The following CCDC201 variants were observed in gnomAD, a reference collection of about 807,000 sequenced individuals.
The protein encoded by CCDC201 is coiled-coil domain-containing protein 201.
intron 1 of CCDC201, among the ~76,000 whole-genome samples, chr7:45,871,590 C>T (rs1002166674): frequency 1.3e-5 from 2 of 152,060 alleles, no homozygotes; most frequent in Non-Finnish European, 2.9e-5. Context: ...TACATATAAA[C>T]TTATAAAAAC....
the CCDC201 span, among the ~76,000 whole-genome samples, chr7:45,882,994 C>T: frequency 3.2e-4 from 48 of 152,232 alleles, no homozygotes; most frequent in African/African-American, 4.3e-4. Flanking sequence ...GGCTTTGATT[C>T]GGGTGAAGAA....
At position 45,864,297 on chromosome 7, in the gene CCDC201, G is replaced by C. The variant is rs540713622; in HGVS notation, c.478-1126C>G. Among the ~76,000 whole-genome samples, 6 of 152,280 alleles carry C rather than the reference G, an allele frequency of 3.9e-5. No individual in the cohort carries two copies. The East Asian group carries it at 7.7e-4, about 20-fold the overall frequency. ...TGGGGGCCGCTGGGATGCTCCATCG[G>C]GAGCATCCACAACATGCGTTCCACA... On this transcript the variant is annotated intron_variant, in intron 2 of 2. Coordinates refer to ENST00000636578, the Ensembl canonical transcript of CCDC201.
At chr7:45,882,268 C>T in the CCDC201 span, among the ~76,000 whole-genome samples, 5 of 152,318 alleles carry the variant, frequency 3.3e-5, no homozygotes, top group South Asian at 8.3e-4. Flanking sequence ...TGTGACTGCA[C>T]CACCCCAGAG....
At chr7:45,863,800 C>T (rs549938163) in intron 2 of CCDC201, among the ~76,000 whole-genome samples, 16 of 152,182 alleles carry the variant, frequency 1.1e-4, no homozygotes, top group South Asian at 8.3e-4. Context: ...GTCTTCCTAA[C>T]GCCCTGAAAG....
upstream of CCDC201, among the ~76,000 whole-genome samples, chr7:45,874,619 C>T (rs550580776): frequency 1.3e-5 from 2 of 152,242 alleles, no homozygotes; most frequent in African/African-American, 4.8e-5. Context: ...TTTCAGAACA[C>T]TCAGTGGCAA....
At chr7:45,864,162 C>G (rs147090262) in intron 2 of CCDC201, among the ~76,000 whole-genome samples, 1 of 152,146 alleles carries the variant, frequency 6.6e-6, no homozygotes, top group African/African-American at 2.4e-5. Context: ...GGCTGTGTGG[C>G]GCAGGCACTG....
the CCDC201 span, among the ~76,000 whole-genome samples, chr7:45,881,723 C>G: frequency 1.3e-5 from 2 of 152,204 alleles, no homozygotes; most frequent in Non-Finnish European, 2.9e-5. Flanking sequence ...CCACTGCACC[C>G]TGAATGCAAA....
chr7:45,875,439 C>CAAAAAAAAAAAAAAAAAAAAAAAAAA (rs34636507), upstream of CCDC201, among the ~76,000 whole-genome samples: 1 of 104,932 alleles, frequency 9.5e-6, no homozygotes, highest in Non-Finnish European at 2.0e-5. Flanking sequence ...AGGCTTCAGT[C>CAAAAAAAAAAAAAAAAAAAAAAAAAA]AAAAAAAAAA....
chr7:45,875,452 A>C (rs1283692155), upstream of CCDC201, among the ~76,000 whole-genome samples: 1 of 152,010 alleles, frequency 6.6e-6, no homozygotes, highest in Non-Finnish European at 1.5e-5. Context: ...AAAAAAAAAA[A>C]AAAAAAAGAA....
chr7:45,879,703 G>A, the CCDC201 span, among the ~76,000 whole-genome samples: 6 of 152,140 alleles, frequency 3.9e-5, no homozygotes, highest in African/African-American at 9.7e-5. Flanking sequence ...ATGAGATTTG[G>A]GTGGGGACAC....
chr7:45,881,049 C>A, the CCDC201 span, among the ~76,000 whole-genome samples: 3 of 152,172 alleles, frequency 2.0e-5, no homozygotes, highest in Non-Finnish European at 4.4e-5. Context: ...CTAGTGAATT[C>A]AGGGTTAATC....
chr7:45,878,544 A>G, the CCDC201 span, among the ~76,000 whole-genome samples: 1 of 152,232 alleles, frequency 6.6e-6, no homozygotes, highest in African/African-American at 2.4e-5. Flanking sequence ...CTTGGGGCTT[A>G]CACCCTCTGA....
At chr7:45,869,723 C>T (rs75620902) in intron 1 of CCDC201, among the ~76,000 whole-genome samples, 15,486 of 152,204 alleles carry the variant, frequency 0.1, 971 homozygotes, top group East Asian at 0.2. Flanking sequence ...CACCATGTTT[C>T]TATCCCACCA....
At chr7:45,872,267 G>C (rs1786750409) in intron 1 of CCDC201, among the ~76,000 whole-genome samples, 1 of 152,224 alleles carries the variant, frequency 6.6e-6, no homozygotes, top group African/African-American at 2.4e-5. Context: ...GGGTGCCCAG[G>C]ACTGCTGGGT....
At chr7:45,878,866 G>A in the CCDC201 span, among the ~76,000 whole-genome samples, 22 of 152,324 alleles carry the variant, frequency 1.4e-4, no homozygotes, top group African/African-American at 5.3e-4. Flanking sequence ...TACATGGCTA[G>A]GCTGCAAATT....
chr7:45,883,658 GT>G, the CCDC201 span, among the ~76,000 whole-genome samples: 1 of 152,182 alleles, frequency 6.6e-6, no homozygotes, highest in Non-Finnish European at 1.5e-5. Flanking sequence ...TTTCTTATCT[GT>G]CTCTAACTCT....
At chr7:45,885,054 A>T in the CCDC201 span, among the ~76,000 whole-genome samples, 1 of 152,162 alleles carries the variant, frequency 6.6e-6, no homozygotes, top group Non-Finnish European at 1.5e-5. Flanking sequence ...GAGGTGGGGG[A>T]TATCAGGATA....
At chr7:45,885,168 G>A in the CCDC201 span, among the ~76,000 whole-genome samples, 1 of 152,198 alleles carries the variant, frequency 6.6e-6, no homozygotes, top group Non-Finnish European at 1.5e-5. Context: ...CAAGACCAGA[G>A]TCATGGGGTT....
At chr7:45,876,099 G>A (rs75503305), upstream of CCDC201, among the ~76,000 whole-genome samples, 565 of 152,288 alleles carry the variant, frequency 3.7e-3, 5 homozygotes, top group African/African-American at 0.013. Context: ...GGACAGCAGA[G>A]TGTGTCCTGG....
Sources: allele counts gnomAD v4.1 joint callset (sites outside exome capture counted in the v4.1 genomes callset), GRCh38; gene constraint gnomAD v4.1.1; transcripts MANE v1.5; gene names NCBI Gene and HGNC (gene_info 2026-07-23, HGNC 2026-07-21).